BACH1: variants seen among roughly 807,000 people sequenced by gnomAD.
BACH1 encodes the protein transcription regulator protein BACH1.
A neutral mutation model predicts 52.9 loss-of-function variants in BACH1; 35 were observed. The ratio of observed to expected loss-of-function variants is 0.66; its 90% CI spans 0.51 to 0.88. BACH1 has a LOEUF of 0.88. Among genes scored for constraint, BACH1 ranks in the 40% least tolerant of loss-of-function variants. BACH1 has a pLI of 0.00. For missense variants in BACH1, 808 were observed against 872.6 expected (o/e 0.93, Z 0.93); for synonymous variants, 321 against 319.6 (o/e 1.00, Z -0.05).
At chr21:29,340,139 T>A (rs767977542) in intron 4 of BACH1, among the ~76,000 whole-genome samples, 2 of 152,256 alleles carry the variant, frequency 1.3e-5, no homozygotes, top group Non-Finnish European at 2.9e-5. Flanking sequence ...GTAGTGACTT[T>A]GGGAGGTATC....
At position 29,304,250 on chromosome 21, in the gene BACH1, G is replaced by A. The variant is rs567333842; in HGVS notation, c.-61+5297G>A. ...AAGCAATTCTTCTGCCTCAGCCTCC[G>A]TAGTAGCTGGAATTATGGGGCACCC... On this transcript the variant is annotated intron_variant, in intron 1 of 4. Transcript: ENST00000286800. Among the ~76,000 whole-genome samples, 13 of 151,138 alleles carry A rather than the reference G, an allele frequency of 8.6e-5. No individual in the cohort carries two copies. In the East Asian group the frequency reaches 2.0e-3, roughly 23 times the overall value.
chr21:29,330,684 T>C (rs548527521), intron 4 of BACH1, among the ~76,000 whole-genome samples: 2 of 152,276 alleles, frequency 1.3e-5, no homozygotes, highest in Admixed American at 1.3e-4. Context: ...TTCAATTTTG[T>C]GTCTATTAAT....
chr21:29,327,594 G>A (rs988532964), intron 3 of BACH1, among the ~76,000 whole-genome samples: 1 of 152,190 alleles, frequency 6.6e-6, no homozygotes, highest in Non-Finnish European at 1.5e-5. Context: ...TTGAGAAGCC[G>A]AGGTGTGGGT....
intron 1 of BACH1, among the ~76,000 whole-genome samples, chr21:29,312,875 A>G (rs1367666028): frequency 6.6e-6 from 1 of 152,204 alleles, no homozygotes; most frequent in African/African-American, 2.4e-5. Flanking sequence ...TCAGAATTCA[A>G]CTAGCTCTTA....
chr21:29,310,585 C>T (rs1361715936), intron 1 of BACH1, among the ~76,000 whole-genome samples: 1 of 152,184 alleles, frequency 6.6e-6, no homozygotes, highest in Non-Finnish European at 1.5e-5. Context: ...GTGAAGTGAT[C>T]GTGTCTCCAT....
intron 4 of BACH1, among the ~76,000 whole-genome samples, chr21:29,329,991 C>T (rs777680779): frequency 8.6e-5 from 13 of 152,014 alleles, no homozygotes; most frequent in Non-Finnish European, 1.9e-4. Flanking sequence ...GTTAATATTC[C>T]AGGTGTTCAT....
chr21:29,338,633 T>C lies in BACH1; in HGVS notation c.1777-3766T>C, dbSNP rs2089073765. Among the ~76,000 whole-genome samples, 3 of 152,324 alleles carry C rather than the reference T, an allele frequency of 2.0e-5. No homozygotes were observed. In the South Asian group the frequency reaches 6.2e-4, roughly 32 times the overall value. Reference sequence around the variant, plus strand: ...ATCCTCCTGCCTTGGCCTCCCAAAGTGCTGAGATTTTAGGCATGAGCCACC... The same window carrying C: ...ATCCTCCTGCCTTGGCCTCCCAAAGCGCTGAGATTTTAGGCATGAGCCACC... On this transcript the variant is annotated intron_variant, in intron 4 of 4. Coordinates refer to ENST00000286800, the MANE Select transcript of BACH1 (RefSeq NM_001186.4).
At chr21:29,311,630 G>A (rs2088723818) in intron 1 of BACH1, among the ~76,000 whole-genome samples, 1 of 151,898 alleles carries the variant, frequency 6.6e-6, no homozygotes, top group African/African-American at 2.4e-5. Flanking sequence ...TGATGATTTC[G>A]TTTACTCTAC....
chr21:29,305,457 G>A (rs2088646031), intron 1 of BACH1: 1 of 152,022 alleles, frequency 6.6e-6, no homozygotes, highest in South Asian at 2.1e-4. Context: ...CCTGTCTTTG[G>A]ACTAGTTTGT....
intron 3 of BACH1, among the ~76,000 whole-genome samples, chr21:29,328,634 G>T (rs988122258): frequency 6.6e-6 from 1 of 152,036 alleles, no homozygotes; most frequent in African/African-American, 2.4e-5. Flanking sequence ...GCACAATATT[G>T]TACAGCAGAT....
intron 4 of BACH1, among the ~76,000 whole-genome samples, chr21:29,330,551 C>A (rs1367860924): frequency 6.6e-6 from 1 of 151,806 alleles, no homozygotes; most frequent in Non-Finnish European, 1.5e-5. Context: ...TTCTTTTTTC[C>A]GTTGGTGGAA....
intron 2 of BACH1, among the ~76,000 whole-genome samples, chr21:29,325,633 T>C (rs1249724864): frequency 1.3e-5 from 2 of 152,222 alleles, no homozygotes; most frequent in African/African-American, 4.8e-5. Flanking sequence ...ATTCTGCTTT[T>C]GTAGCTTGTA....
At chr21:29,335,051 G>A (rs2089028659) in intron 4 of BACH1, among the ~76,000 whole-genome samples, 1 of 152,140 alleles carries the variant, frequency 6.6e-6, no homozygotes, top group Non-Finnish European at 1.5e-5. Flanking sequence ...TGTTGTTAAG[G>A]CCCTGGACCT....
At chr21:29,324,553 A>G (rs2088887217) in intron 2 of BACH1, among the ~76,000 whole-genome samples, 1 of 125,714 alleles carries the variant, frequency 8.0e-6, no homozygotes, top group Non-Finnish European at 1.8e-5. Flanking sequence ...GTATGGATGT[A>G]CCTTGTGTGT....
At chr21:29,349,160 C>T (rs576667557), downstream of BACH1, among the ~76,000 whole-genome samples, 4 of 152,050 alleles carry the variant, frequency 2.6e-5, no homozygotes, top group South Asian at 8.3e-4. Context: ...AGATGAACCA[C>T]ATGGATCCAA....
intron 1 of BACH1, among the ~76,000 whole-genome samples, chr21:29,302,869 C>T (rs1315014164): frequency 1.3e-5 from 2 of 152,210 alleles, no homozygotes; most frequent in Admixed American, 1.3e-4. Flanking sequence ...CTGAGGGCAA[C>T]GAACACAGGA....
At chr21:29,358,765 AAAAGAAAAGAAAGAAAGAAAG>A (rs1223656396) in intron 2 of BACH1, among the ~76,000 whole-genome samples, 9 of 81,422 alleles carry the variant, frequency 1.1e-4, no homozygotes, top group Admixed American at 2.6e-4. Context: ...AAAAGAAAAG[AAAAGAAAAGAAAGAAAGAAAG>A]AAAGAAAGAA....
chr21:29,348,250 C>T (rs930582639), downstream of BACH1, among the ~76,000 whole-genome samples: 2 of 152,134 alleles, frequency 1.3e-5, no homozygotes, highest in East Asian at 1.9e-4. Context: ...CTACCGTGCT[C>T]CAGAAGGAAC....
At position 29,321,257 on chromosome 21, in the gene BACH1, TC is replaced by T. The variant is rs745600599; in HGVS notation, c.-21del. On this transcript the variant is annotated 5_prime_UTR_variant, in exon 2 of 5. Transcript: ENST00000286800. ...TTAGAAGCATGCTTTCCACTGAACT[TC>T]CCGACAACATTTGTTATGCAGAATG... 6.3e-7 allele frequency: 1 copy of T among 1,583,662 alleles called. No homozygotes were observed. Among genetic ancestry groups the T allele is most frequent in the Non-Finnish European group, 8.7e-7 (1 of 1,152,808 alleles).
Sources: allele counts gnomAD v4.1 joint callset (sites outside exome capture counted in the v4.1 genomes callset), GRCh38; gene constraint gnomAD v4.1.1; transcripts MANE v1.5; gene names NCBI Gene and HGNC (gene_info 2026-07-23, HGNC 2026-07-21).